BICC1: variants seen among roughly 807,000 people sequenced by gnomAD.
The protein encoded by BICC1 is BicC family RNA binding protein 1, also known as protein bicaudal C homolog 1.
A neutral mutation model predicts 111.0 loss-of-function variants in BICC1; 43 were observed. That is an observed-to-expected ratio of 0.39 (90% CI 0.30 to 0.50). BICC1 has a LOEUF of 0.50. Ranked by LOEUF, BICC1 falls within the 20% of genes least tolerant of loss-of-function variation. The pLI, the probability that BICC1 is intolerant of heterozygous loss-of-function variation, is 0.88. For synonymous variants in BICC1, 467 were observed against 434.4 expected (o/e 1.07, Z -0.93); for missense variants, 1,091 against 1,203.2 (o/e 0.91, Z 1.38).
At chr10:58,576,821 G>A (rs1050788292) in intron 1 of BICC1, among the ~76,000 whole-genome samples, 13 of 152,140 alleles carry the variant, frequency 8.5e-5, no homozygotes, top group African/African-American at 2.2e-4. Flanking sequence ...ACTTGCTTGA[G>A]GGGGACAAAA....
intron 2 of BICC1, chr10:58,650,182 G>C (rs1293655706): frequency 6.6e-6 from 1 of 152,168 alleles, no homozygotes; most frequent in Non-Finnish European, 1.5e-5. Context: ...CATTCCTAAT[G>C]TATATTTCCT....
chr10:58,743,219 T>C (rs1395628109), intron 3 of BICC1, among the ~76,000 whole-genome samples: 1 of 152,188 alleles, frequency 6.6e-6, no homozygotes, highest in Non-Finnish European at 1.5e-5. Flanking sequence ...TATTTGGACG[T>C]TGGCTTAAAA....
chr10:58,756,696 A>G (rs1430178320), intron 3 of BICC1, among the ~76,000 whole-genome samples: 1 of 144,634 alleles, frequency 6.9e-6, no homozygotes, highest in East Asian at 2.0e-4. Flanking sequence ...ATGGCATATT[A>G]AGTTACCAGT....
chr10:58,757,011 G>A (rs1842167312), intron 3 of BICC1, among the ~76,000 whole-genome samples: 1 of 152,096 alleles, frequency 6.6e-6, no homozygotes, highest in Admixed American at 6.5e-5. Context: ...TTCAATTATT[G>A]TCTCACTGCT....
intron 1 of BICC1, among the ~76,000 whole-genome samples, chr10:58,580,633 A>G (rs1258755443): frequency 6.6e-6 from 1 of 152,210 alleles, no homozygotes; most frequent in Non-Finnish European, 1.5e-5. Context: ...ACAGATCTCT[A>G]GAGCTTATTA....
rs955596192 is a variant in BICC1, at chr10:58,512,893, CG to C, written c.-245del. On this transcript the variant is annotated 5_prime_UTR_variant, in exon 1 of 21. Transcript: ENST00000373886. ...GCTCATTCCGCGCGGGCGTTGCTGG[CG>C]GGGGGCGGCGCAGCCACTGGACCCG... 2.0e-5 allele frequency among the ~76,000 whole-genome samples: 3 copies of C among 147,256 alleles called. No homozygotes were observed. Among genetic ancestry groups the C allele is most frequent in the African/African-American group, 7.3e-5 (3 of 41,020 alleles).
intron 1 of BICC1, among the ~76,000 whole-genome samples, chr10:58,601,162 AT>A (rs1845021776): frequency 2.9e-5 from 4 of 139,970 alleles, no homozygotes; most frequent in East Asian, 2.1e-4. Context: ...ATATATATAT[AT>A]ATATATATCT....
chr10:58,569,659 G>A (rs1043315825), intron 1 of BICC1, among the ~76,000 whole-genome samples: 2 of 152,140 alleles, frequency 1.3e-5, no homozygotes, highest in African/African-American at 4.8e-5. Flanking sequence ...TTCTGTTCCT[G>A]TGTTAGGTTG....
At chr10:58,516,901 G>C (rs1842256492) in intron 1 of BICC1, among the ~76,000 whole-genome samples, 1 of 152,170 alleles carries the variant, frequency 6.6e-6, no homozygotes, top group African/African-American at 2.4e-5. Flanking sequence ...AAGTCTGGGA[G>C]AAAGTAAGAA....
chr10:58,637,553 G>A (rs1031903659), intron 2 of BICC1, among the ~76,000 whole-genome samples: 33 of 152,150 alleles, frequency 2.2e-4, no homozygotes, highest in African/African-American at 6.8e-4. Flanking sequence ...CCCTCCTCAC[G>A]CACGCTTTGC....
intron 2 of BICC1, among the ~76,000 whole-genome samples, chr10:58,631,116 T>A (rs1328708958): frequency 1.3e-5 from 2 of 152,214 alleles, no homozygotes; most frequent in Non-Finnish European, 2.9e-5. Flanking sequence ...ATATCAGAAT[T>A]TCCTTTCTCT....
intron 2 of BICC1, among the ~76,000 whole-genome samples, chr10:58,636,156 T>G (rs1837947715): frequency 6.6e-6 from 1 of 152,190 alleles, no homozygotes; most frequent in African/African-American, 2.4e-5. Flanking sequence ...TGGGACTGTA[T>G]GGGACCTTAA....
intron 1 of BICC1, among the ~76,000 whole-genome samples, chr10:58,590,082 G>C (rs1230847162): frequency 1.3e-5 from 2 of 152,102 alleles, no homozygotes; most frequent in Non-Finnish European, 2.9e-5. Context: ...AGTCCAGTGG[G>C]GTTATGAATG....
intron 1 of BICC1, among the ~76,000 whole-genome samples, chr10:58,544,842 C>T (rs373620983): frequency 6.6e-6 from 1 of 151,978 alleles, no homozygotes; most frequent in East Asian, 1.9e-4. Context: ...GCTTTTGCGG[C>T]GGTAATCAAG....
chr10:58,738,013 G>A (rs867281742), intron 3 of BICC1, among the ~76,000 whole-genome samples: 41 of 152,194 alleles, frequency 2.7e-4, no homozygotes, highest in Admixed American at 7.9e-4. Flanking sequence ...AGTAGATTGC[G>A]AAAATGTTCT....
At position 58,828,867 on chromosome 10, in the gene BICC1, T is replaced by G. The variant is rs771009250; in HGVS notation, c.2901T>G (p.Ile967Met). The G allele has an allele frequency of 1.4e-5, 22 of 1,613,808 alleles. No individual in the cohort carries two copies. The East Asian group carries it at 1.6e-4, about 11-fold the overall frequency. ...GRLPRQYHSD[I>M]ASVSGRW is the part of the protein sequence containing the mutation. ...TACCCCGTCAGTATCACTCAGACAT[T>G]GCTAGTGTCAGTGGCCGCTGGTAGC... Residue 967 changes from isoleucine to methionine, a missense_variant, in exon 21 of 21, where the codon ATT becomes ATG. This residue lies in a region of BICC1 where 231 missense variants were observed against 256.2 expected (regional missense o/e 0.90). Coordinates refer to ENST00000373886, the MANE Select transcript of BICC1 (RefSeq NM_001080512.3).
At chr10:58,549,731 G>A (rs1843244080) in intron 1 of BICC1, among the ~76,000 whole-genome samples, 1 of 150,948 alleles carries the variant, frequency 6.6e-6, no homozygotes, top group African/African-American at 2.4e-5. Flanking sequence ...TGTTGTCCAG[G>A]CTGGAGTGCA....
At chr10:58,624,952 A>T (rs189853518) in intron 2 of BICC1, among the ~76,000 whole-genome samples, 95 of 152,326 alleles carry the variant, frequency 6.2e-4, no homozygotes, top group African/African-American at 2.2e-3. Context: ...TTCTGTGTAT[A>T]TTAAAAATAT....
chr10:58,727,966 AC>A (rs1342549516), intron 3 of BICC1, among the ~76,000 whole-genome samples: 2 of 152,172 alleles, frequency 1.3e-5, no homozygotes, highest in African/African-American at 4.8e-5. Flanking sequence ...TAATTAAAAA[AC>A]CTTTTTTGCT....
Sources: gnomAD v4.1 joint callset for allele counts (sites outside exome capture counted in the v4.1 genomes callset) on GRCh38, gnomAD v4.1.1 for gene constraint, gnomAD v4.1.1 regional missense constraint, MANE v1.5 for transcripts, NCBI Gene and HGNC (gene_info 2026-07-23, HGNC 2026-07-21) for gene names.